Variants in SMURF1 observed in about 807,000 individuals in gnomAD.
SMURF1 encodes the protein E3 ubiquitin-protein ligase SMURF1.
Under a neutral mutation model 98.0 loss-of-function variants are expected in SMURF1, and 44 were observed. The ratio of observed to expected loss-of-function variants is 0.45; its 90% CI spans 0.35 to 0.58. The LOEUF (loss-of-function observed/expected upper bound fraction) is 0.58, where lower values mean the gene tolerates loss of function less well. SMURF1 is among the 20% of genes least tolerant of loss of function. The pLI is 0.00. For synonymous variants in SMURF1, 396 were observed against 374.9 expected (o/e 1.06, Z -0.65); for missense variants, 687 against 938.4 (o/e 0.73, Z 3.50).
intron 1 of SMURF1, among the ~76,000 whole-genome samples, chr7:99,140,436 G>A (rs1384811144): frequency 1.3e-4 from 19 of 151,714 alleles, no homozygotes; most frequent in Non-Finnish European, 2.6e-4. Flanking sequence ...ACAGGCGCCC[G>A]CCACCACACC....
At chr7:99,098,567 C>G (rs1797003134) in intron 1 of SMURF1, among the ~76,000 whole-genome samples, 1 of 152,108 alleles carries the variant, frequency 6.6e-6, no homozygotes, top group African/African-American at 2.4e-5. Context: ...TGCAACAAAC[C>G]TTAGCTCCGT....
Position 99,049,626 on chromosome 7 carries a change from T to C in SMURF1, c.890A>G (p.Tyr297Cys). The C allele has an allele frequency of 6.2e-7, 1 of 1,614,150 alleles. No homozygotes were observed. The highest frequency in any genetic ancestry group is 2.2e-5 in the East Asian group (1 of 44,876). The change falls in exon 9 of 18, where the codon TAT (tyrosine) becomes TGT (cysteine). Residue 297 changes from tyrosine to cysteine, a missense_variant. Tyr to Cys is a radical substitution (Grantham distance 194). Coordinates refer to ENST00000361368, the MANE Select transcript of SMURF1 (RefSeq NM_181349.3). ...TGTTCGGTTATTATGATCTACAAAA[T>C]ATATCCTCCCAGAAACTGTACTTCT... ...EVRSTVSGRI[Y>C]FVDHNNRTTQ...
At chr7:99,082,600 T>C (rs1796597002) in intron 1 of SMURF1, among the ~76,000 whole-genome samples, 1 of 152,242 alleles carries the variant, frequency 6.6e-6, no homozygotes, top group African/African-American at 2.4e-5. Flanking sequence ...AGTACCATTC[T>C]GTCGTAATTA....
chr7:99,136,173 G>C (rs1478471247), intron 1 of SMURF1, among the ~76,000 whole-genome samples: 1 of 152,152 alleles, frequency 6.6e-6, no homozygotes, highest in African/African-American at 2.4e-5. Flanking sequence ...TAGCCTGGGC[G>C]ACAGAGCAAG....
At chr7:99,032,098 AC>A (rs1208651372) in intron 17 of SMURF1, among the ~76,000 whole-genome samples, 3 of 152,210 alleles carry the variant, frequency 2.0e-5, no homozygotes, top group Non-Finnish European at 2.9e-5. Flanking sequence ...ATACATCCAA[AC>A]TAAAAACTAT....
intron 1 of SMURF1, among the ~76,000 whole-genome samples, chr7:99,086,902 A>T (rs1465214154): frequency 6.6e-6 from 1 of 152,222 alleles, no homozygotes; most frequent in African/African-American, 2.4e-5. Context: ...GTTGCCAGGG[A>T]CTCAGAATAA....
At chr7:99,122,679 G>A (rs1415613727) in intron 1 of SMURF1, among the ~76,000 whole-genome samples, 6 of 144,810 alleles carry the variant, frequency 4.1e-5, no homozygotes, top group Admixed American at 2.1e-4. Context: ...GTCCTTGACC[G>A]CACTACTAAA....
At chr7:99,142,183 G>T (rs866280900) in intron 1 of SMURF1, among the ~76,000 whole-genome samples, 1 of 152,190 alleles carries the variant, frequency 6.6e-6, no homozygotes, top group Non-Finnish European at 1.5e-5. Flanking sequence ...GCTCACCCTT[G>T]AAGGTGGCAC....
At chr7:99,108,611 CA>C (rs11458541) in intron 1 of SMURF1, among the ~76,000 whole-genome samples, 207 of 58,574 alleles carry the variant, frequency 3.5e-3, no homozygotes, top group African/African-American at 0.011. Context: ...AACTCTGTCT[CA>C]AAAAAAAAAA....
intron 3 of SMURF1, among the ~76,000 whole-genome samples, chr7:99,059,477 C>T (rs1292107088): frequency 6.7e-6 from 1 of 149,246 alleles, no homozygotes; most frequent in Non-Finnish European, 1.5e-5. Context: ...TAGTGGTCTT[C>T]AAAGTACAAT....
chr7:99,038,555 T>G, intron 13 of SMURF1, 30 bp from the exon 14 acceptor site: 1 of 1,604,740 alleles, frequency 6.2e-7, no homozygotes, highest in Non-Finnish European at 8.5e-7. Context: ...GGATGTAGGT[T>G]AGAACTCTGC....
intron 1 of SMURF1, among the ~76,000 whole-genome samples, chr7:99,125,356 G>C (rs192211001): frequency 2.0e-5 from 3 of 152,236 alleles, no homozygotes; most frequent in African/African-American, 7.2e-5. Flanking sequence ...CACAGTGCTG[G>C]GATTACAGGC....
At chr7:99,032,267 G>A (rs1233526397) in intron 17 of SMURF1, among the ~76,000 whole-genome samples, 1 of 152,214 alleles carries the variant, frequency 6.6e-6, no homozygotes, top group Non-Finnish European at 1.5e-5. Flanking sequence ...GACAACCTTT[G>A]TGTGGGACGC....
chr7:99,098,024 T>C (rs1411613267), intron 1 of SMURF1, among the ~76,000 whole-genome samples: 1 of 152,172 alleles, frequency 6.6e-6, no homozygotes, highest in Non-Finnish European at 1.5e-5. Flanking sequence ...AAAACCCAAG[T>C]TAGCCACCAG....
At chr7:99,108,483 A>G (rs1436103350) in intron 1 of SMURF1, among the ~76,000 whole-genome samples, 3 of 150,228 alleles carry the variant, frequency 2.0e-5, no homozygotes, top group Non-Finnish European at 4.4e-5. Flanking sequence ...GTGGTGGTGC[A>G]TGCCTGTAAT....
chr7:99,080,731 G>A (rs974747116), intron 1 of SMURF1, among the ~76,000 whole-genome samples: 34 of 152,264 alleles, frequency 2.2e-4, no homozygotes, highest in African/African-American at 6.3e-4. Context: ...TGATGAGACC[G>A]ACACTGAAAC....
rs578248572 is a variant in SMURF1, at chr7:99,046,124, A to G, written c.1153-323T>C. Among the ~76,000 whole-genome samples, 29 of 152,294 alleles carry G rather than the reference A, an allele frequency of 1.9e-4. No homozygotes were observed. The East Asian group carries it at 2.3e-3, about 12-fold the overall frequency. On this transcript the variant is annotated intron_variant, in intron 10 of 17. Transcript: ENST00000361368. ...TTCTTCTCTGTATAAATTAATTTCA[A>G]TGCACACTATAAACAACTTGTGCAT...
chr7:99,065,851 T>C (rs1584472802), intron 1 of SMURF1, among the ~76,000 whole-genome samples: 1 of 151,946 alleles, frequency 6.6e-6, no homozygotes, highest in African/African-American at 2.4e-5. Context: ...ATCGAGACCA[T>C]CCTGGCCAAC....
intron 1 of SMURF1, among the ~76,000 whole-genome samples, chr7:99,118,747 G>A (rs1402473874): frequency 1.3e-5 from 2 of 152,128 alleles, no homozygotes; most frequent in Non-Finnish European, 2.9e-5. Flanking sequence ...AATGTACTAA[G>A]AGCCACTTAA....
Sources: allele counts gnomAD v4.1 joint callset (sites outside exome capture counted in the v4.1 genomes callset), GRCh38; gene constraint gnomAD v4.1.1; transcripts MANE v1.5; gene names NCBI Gene and HGNC (gene_info 2026-07-23, HGNC 2026-07-21).